Variants in SRD5A1 observed in about 807,000 individuals in gnomAD.
The protein encoded by SRD5A1 is steroid 5 alpha-reductase 1.
A neutral mutation model predicts 28.2 loss-of-function variants in SRD5A1; 22 were observed. The observed-to-expected ratio is 0.78, with a 90% CI of 0.56 to 1.12. SRD5A1 has a LOEUF of 1.12. Ranked by LOEUF, SRD5A1 falls within the 50% of genes most tolerant of loss-of-function variation. The pLI, the probability that SRD5A1 is intolerant of heterozygous loss-of-function variation, is 0.00. For missense variants in SRD5A1, 300 were observed against 346.7 expected (o/e 0.87, Z 1.07); for synonymous variants, 151 against 135.0 (o/e 1.12, Z -0.82).
Position 6,652,732 on chromosome 5 carries a change from G to A in SRD5A1, c.460+724G>A, listed in dbSNP as rs570113238. Among the ~76,000 whole-genome samples the A allele has an allele frequency of 2.8e-4, 43 of 152,042 alleles. 2 individuals are homozygous for A. The South Asian group carries it at 8.7e-3, about 31-fold the overall frequency. On this transcript the variant is annotated intron_variant, in intron 2 of 4. Transcript: ENST00000274192. ...ACAAAAAATACAAAAACGTAGCTGG[G>A]CATGGTGACACGCACCATGGTCCCA... is the stretch of plus-strand genomic sequence containing the variant.
At chr5:6,645,615 G>A (rs1738486877) in intron 1 of SRD5A1, among the ~76,000 whole-genome samples, 1 of 149,324 alleles carries the variant, frequency 6.7e-6, no homozygotes, top group Admixed American at 6.7e-5. Context: ...CTCCAGCCTG[G>A]ACCACAAGAG....
intron 3 of SRD5A1, among the ~76,000 whole-genome samples, chr5:6,661,426 TCATG>T (rs113694508): frequency 0.023 from 3,292 of 145,968 alleles, 47 homozygotes; most frequent in Non-Finnish European, 0.028. Context: ...CCAAAAGCCC[TCATG>T]CATGCATGTA....
In SRD5A1 at chr5:6,653,571, A is replaced by G. The variant is rs1396755890; in HGVS notation, c.460+1563A>G. 3 of 152,248 alleles carry G rather than the reference A, an allele frequency of 2.0e-5. No homozygotes were observed. The South Asian group carries it at 6.2e-4, about 32-fold the overall frequency. The allele number at this position is 152,248 out of a possible 1,614,324, so 9.4% of individuals were successfully genotyped here. A position where few individuals can be genotyped will look rare whatever the true frequency, so the allele number is the denominator to read the frequency against. On this transcript the variant is annotated intron_variant, in intron 2 of 4. Transcript: ENST00000274192. Reference sequence around the variant, plus strand: ...AAGAGTTACACAGCTGGCCCAAGACATCTAGACGCAGTGAATGGCAGAGCG... The same window carrying G: ...AAGAGTTACACAGCTGGCCCAAGACGTCTAGACGCAGTGAATGGCAGAGCG...
intron 3 of SRD5A1, among the ~76,000 whole-genome samples, chr5:6,662,062 G>A (rs1421710791): frequency 6.6e-6 from 1 of 152,030 alleles, no homozygotes; most frequent in Non-Finnish European, 1.5e-5. Flanking sequence ...TCTTTGGAGT[G>A]TGCCAGCCAT....
Position 6,633,806 on chromosome 5 carries a change from C to A in SRD5A1, c.230C>A (p.Pro77Gln), listed in dbSNP as rs762036171. The A allele has an allele frequency of 5.6e-6, 9 of 1,597,728 alleles. No homozygotes were observed. In the African/African-American group the frequency reaches 9.3e-5, roughly 17 times the overall value. ...PLYQYASESAPRLRSAPNCIL... is the reference protein window; with the variant it reads ...PLYQYASESAQRLRSAPNCIL... ...TACCAGTACGCCAGCGAGTCCGCCCCGCGTCTCCGCAGCGCGCCCAACTGC... is the reference window on the plus strand; with the variant it reads ...TACCAGTACGCCAGCGAGTCCGCCCAGCGTCTCCGCAGCGCGCCCAACTGC... Residue 77 changes from proline to glutamine, a missense_variant, in exon 1 of 5, where the codon CCG (proline) becomes CAG (glutamine). Physicochemically the swap from Pro to Gln is moderately conservative, Grantham distance 76. Around this residue, in one of 2 missense-constraint regions of SRD5A1, gnomAD observed 174 missense variants for 160.9 expected, o/e 1.08. Coordinates refer to ENST00000274192, the MANE Select transcript of SRD5A1 (RefSeq NM_001047.4).
In SRD5A1 at chr5:6,644,978, A is replaced by G. The variant is rs1443885250; in HGVS notation, c.294-6864A>G. On this transcript the variant is annotated intron_variant, in intron 1 of 4. Transcript: ENST00000274192. ...CACTGCAGCTTCCAGGAGAATACCC[A>G]CCTCACTGATGACACAACATCTGAA... is the stretch of plus-strand genomic sequence containing the variant. 3 of 455,796 alleles carry G rather than the reference A, an allele frequency of 6.6e-6. No homozygotes were observed. The East Asian group carries it at 2.1e-4, about 32-fold the overall frequency. 28.2% of individuals were successfully genotyped at this position (455,796 alleles called of 1,614,324 possible). A position where few individuals can be genotyped will look rare whatever the true frequency, so the allele number is the denominator to read the frequency against.
Position 6,636,575 on chromosome 5 carries a change from AG to A in SRD5A1, c.293+2709del, listed in dbSNP as rs8192134. 7.3e-3 allele frequency among the ~76,000 whole-genome samples: 1,116 copies of A among 152,294 alleles called. 15 individuals carry two copies. The highest frequency in any genetic ancestry group is 0.025 in the African/African-American group (1,040 of 41,560). On this transcript the variant is annotated intron_variant, in intron 1 of 4. Coordinates refer to ENST00000274192, the MANE Select transcript of SRD5A1 (RefSeq NM_001047.4). Reference sequence around the variant, plus strand: ...AGTGGCAAGGACCAGAGCCAGGTCCAGGGACTTTCCACAGTCCATGAGGCCT... The same window carrying A: ...AGTGGCAAGGACCAGAGCCAGGTCCAGGACTTTCCACAGTCCATGAGGCCT...
intron 3 of SRD5A1, among the ~76,000 whole-genome samples, chr5:6,661,530 C>CTTTTTT (rs11402128): frequency 1.7e-5 from 2 of 118,276 alleles, no homozygotes; most frequent in African/African-American, 3.3e-5. Context: ...ATAGGTTTGT[C>CTTTTTT]TTTTTTTTTT....
At chr5:6,657,472 T>G (rs893167389) in intron 3 of SRD5A1, among the ~76,000 whole-genome samples, 3 of 152,204 alleles carry the variant, frequency 2.0e-5, no homozygotes, top group African/African-American at 7.2e-5. Flanking sequence ...GCCCCCTCGC[T>G]TCCTGCCCAG....
intron 1 of SRD5A1, among the ~76,000 whole-genome samples, chr5:6,646,501 G>T (rs1738514904): frequency 1.3e-5 from 2 of 152,226 alleles, no homozygotes; most frequent in East Asian, 3.9e-4. Flanking sequence ...GTTTAATCTT[G>T]GGAGGGCGTA....
At chr5:6,665,129 G>C (rs1289428776) in intron 4 of SRD5A1, among the ~76,000 whole-genome samples, 2 of 152,250 alleles carry the variant, frequency 1.3e-5, no homozygotes, top group African/African-American at 2.4e-5. Flanking sequence ...TGATCACACA[G>C]AGTGGGAAGG....
At chr5:6,635,409 G>A (rs938469473) in intron 1 of SRD5A1, among the ~76,000 whole-genome samples, 1 of 152,236 alleles carries the variant, frequency 6.6e-6, no homozygotes, top group East Asian at 1.9e-4. Context: ...ACCAGAAGCT[G>A]TATGTCTGTT....
At chr5:6,651,072 TG>T (rs1738658160) in intron 1 of SRD5A1, among the ~76,000 whole-genome samples, 1 of 151,984 alleles carries the variant, frequency 6.6e-6, no homozygotes, top group Non-Finnish European at 1.5e-5. Context: ...CCTGGTTAGC[TG>T]AGCTGGGGGC....
intron 1 of SRD5A1, chr5:6,645,329 A>G: frequency 5.0e-6 from 1 of 200,100 alleles, no homozygotes; most frequent in South Asian, 7.8e-5. Flanking sequence ...ACAAATAATA[A>G]AATTCACCCA....
intron 4 of SRD5A1, among the ~76,000 whole-genome samples, chr5:6,667,253 G>T (rs546652875): frequency 1.4e-4 from 22 of 152,356 alleles, no homozygotes; most frequent in African/African-American, 5.0e-4. Flanking sequence ...TGATCCGGAA[G>T]TCCTGACCGA....
At position 6,670,479 on chromosome 5, in the gene SRD5A1, C is replaced by G. The variant is rs1739326754; in HGVS notation, c.*2211C>G. On this transcript the variant is annotated 3_prime_UTR_variant, in exon 5 of 5. Coordinates refer to ENST00000274192, the MANE Select transcript of SRD5A1 (RefSeq NM_001047.4). ...CTGCTATCATGACCAAAGCTAAAAT[C>G]CAATGAGGCAGAGAACAATAGTTGT... The G allele has an allele frequency of 6.6e-6, 1 of 152,314 alleles. No individual in the cohort carries two copies. The highest frequency in any genetic ancestry group is 6.5e-5 in the Admixed American group (1 of 15,292). The allele number at this position is 152,314 out of a possible 1,614,324, so 9.4% of individuals were successfully genotyped here.
At position 6,651,837 on chromosome 5, in the gene SRD5A1, CTAAGGTGCT is replaced by C; in HGVS notation, c.294-1_301del. 6.2e-7 allele frequency: 1 copy of C among 1,602,078 alleles called. No individual in the cohort carries two copies. The highest frequency in any genetic ancestry group is 2.2e-5 in the East Asian group (1 of 44,624). ...AAAAATTGTGCCTGTTTCTTGTTTC[CTAAGGTGCT>C]TAATTTACCCATTTCTGATGCGAGG... On this transcript the variant is annotated splice_acceptor_variant and splice_polypyrimidine_tract_variant and coding_sequence_variant and intron_variant, in exon 2 of 5. Coordinates refer to ENST00000274192, the MANE Select transcript of SRD5A1 (RefSeq NM_001047.4). LOFTEE classifies it high-confidence loss of function.
At position 6,669,940 on chromosome 5, in the gene SRD5A1, G is replaced by C. The variant is rs868042832; in HGVS notation, c.*1672G>C. 1 of 152,674 alleles carries C rather than the reference G, an allele frequency of 6.5e-6. No homozygotes were observed. Among genetic ancestry groups the C allele is most frequent in the Non-Finnish European group, 1.5e-5 (1 of 68,338 alleles). 9.5% of individuals were successfully genotyped at this position (152,674 alleles called of 1,614,324 possible). ...TGATGTGGCAGAGCAGAGAGGCCAT[G>C]ACAGTGCACACCCTGCGGAGACCCT... is the stretch of plus-strand genomic sequence containing the variant. On this transcript the variant is annotated 3_prime_UTR_variant, in exon 5 of 5. Transcript: ENST00000274192.
Position 6,661,530 on chromosome 5 carries a change from C to CTTTT in SRD5A1, c.563-1269_563-1266dup, listed in dbSNP as rs11402128. On this transcript the variant is annotated intron_variant, in intron 3 of 4. Coordinates refer to ENST00000274192, the MANE Select transcript of SRD5A1 (RefSeq NM_001047.4). ...ATGACTTAGGGCGTAATAGGTTTGT[C>CTTTT]TTTTTTTTTTTTTTTTTTTTGAGAC... Among the ~76,000 whole-genome samples, 90 of 118,254 alleles carry CTTTT rather than the reference C, an allele frequency of 7.6e-4. 2 individuals carry two copies. Among genetic ancestry groups the CTTTT allele is most frequent in the African/African-American group, 1.9e-3 (58 of 30,788 alleles). 77.6% of individuals were successfully genotyped at this position (118,254 alleles called of 152,430 possible). A position where few individuals can be genotyped will look rare whatever the true frequency, so the allele number is the denominator to read the frequency against.
Sources: gnomAD v4.1 joint callset for allele counts (sites outside exome capture counted in the v4.1 genomes callset) on GRCh38, gnomAD v4.1.1 for gene constraint, gnomAD v4.1.1 regional missense constraint, MANE v1.5 for transcripts, NCBI Gene and HGNC (gene_info 2026-07-23, HGNC 2026-07-21) for gene names.